The following MCTP2 variants were observed in gnomAD, a reference collection of about 807,000 sequenced individuals.
The protein encoded by MCTP2 is multiple C2 and transmembrane domain-containing protein 2.
MCTP2 carries 132 observed loss-of-function variants against 111.6 expected under a neutral mutation model. The ratio of observed to expected loss-of-function variants is 1.18; its 90% CI spans 1.03 to 1.37. MCTP2 has a LOEUF of 1.37. Ranked by LOEUF, MCTP2 falls within the 40% of genes most tolerant of loss-of-function variation. MCTP2 has a pLI of 0.00. For synonymous variants in MCTP2, 395 were observed against 387.7 expected (o/e 1.02, Z -0.22); for missense variants, 1,183 against 1,067.9 (o/e 1.11, Z -1.50).
intron 20 of MCTP2, among the ~76,000 whole-genome samples, chr15:94,462,889 A>G (rs138358581): frequency 2.0e-5 from 3 of 152,224 alleles, no homozygotes; most frequent in Non-Finnish European, 2.9e-5. Flanking sequence ...TCACCTAAAA[A>G]TATTAACTAT....
chr15:94,265,313 A>G (rs2073453372), intron 1 of MCTP2, among the ~76,000 whole-genome samples: 1 of 152,100 alleles, frequency 6.6e-6, no homozygotes, highest in South Asian at 2.1e-4. Context: ...TTATATGAAA[A>G]TGGTAATGGC....
At position 94,315,532 on chromosome 15, in the gene MCTP2, C is replaced by T. The variant is rs542318098; in HGVS notation, c.532C>T (p.Pro178Ser). The change falls in exon 4 of 23, where the codon CCG (proline) becomes TCG (serine). Residue 178 changes from proline (P) to serine (S), a missense_variant. By Grantham distance (74) the Pro-to-Ser change is moderately conservative. Coordinates refer to ENST00000357742, the MANE Select transcript of MCTP2 (RefSeq NM_001385001.1). ...ACTGCCTTCTCCATCTGTGCAGGTA[C>T]CGGGGGAAGCCAGTGATGGCTTGAG... Reference protein sequence around the residue: ...TSQHFEEQSVPGEASDGLSNL... With the variant: ...TSQHFEEQSVSGEASDGLSNL... The T allele has an allele frequency of 1.2e-6, 2 of 1,612,766 alleles. No individual in the cohort carries two copies. Among genetic ancestry groups the T allele is most frequent in the Non-Finnish European group, 1.7e-6 (2 of 1,178,996 alleles).
intron 1 of MCTP2, among the ~76,000 whole-genome samples, chr15:94,246,222 T>C (rs1341837958): frequency 3.3e-5 from 5 of 152,162 alleles, no homozygotes; most frequent in South Asian, 4.1e-4. Flanking sequence ...TGTCAGAGAC[T>C]GAAGGACAGG....
chr15:94,443,198 A>G (rs2083888684), intron 19 of MCTP2, among the ~76,000 whole-genome samples: 1 of 152,152 alleles, frequency 6.6e-6, no homozygotes, highest in Admixed American at 6.5e-5. Flanking sequence ...AAGCATAACT[A>G]TAGGAGGCCT....
chr15:94,428,535 C>A (rs1175785001), intron 17 of MCTP2, among the ~76,000 whole-genome samples: 1 of 151,900 alleles, frequency 6.6e-6, no homozygotes, highest in African/African-American at 2.4e-5. Context: ...CTATATTAAT[C>A]TTTCAGCATT....
intron 10 of MCTP2, among the ~76,000 whole-genome samples, chr15:94,363,865 G>A (rs753734545): frequency 2.6e-5 from 4 of 151,996 alleles, no homozygotes; most frequent in African/African-American, 4.8e-5. Flanking sequence ...TGATGCCACC[G>A]GAACAGACCT....
chr15:94,476,641 T>C (rs112126759), intron 21 of MCTP2, 55 bp from the exon 22 acceptor site: 47 of 883,504 alleles, frequency 5.3e-5, no homozygotes, highest in Non-Finnish European at 7.1e-5. Context: ...GATAGATAGA[T>C]AGATAGATAG....
At chr15:94,455,799 GATTA>G (rs1462368378) in intron 19 of MCTP2, among the ~76,000 whole-genome samples, 1 of 152,140 alleles carries the variant, frequency 6.6e-6, no homozygotes, top group East Asian at 1.9e-4. Flanking sequence ...CTCTGAAGGT[GATTA>G]ATAACAATTT....
In MCTP2 at chr15:94,338,446, AAC is replaced by A. The variant is rs146624220; in HGVS notation, c.638-839_638-838del. Among the ~76,000 whole-genome samples, 538 of 151,962 alleles carry A rather than the reference AAC, an allele frequency of 3.5e-3. 18 individuals carry two copies. In the East Asian group the frequency reaches 0.092, roughly 26 times the overall value. The stretch of plus-strand genomic sequence containing the variant: ...TGTATCATGCGACGCACATGCATGT[AAC>A]ACACGCACAATACATAATTCATGTA... On this transcript the variant is annotated intron_variant, in intron 4 of 22. Coordinates refer to ENST00000357742, the MANE Select transcript of MCTP2 (RefSeq NM_001385001.1).
At chr15:94,255,145 A>G (rs1459431233) in intron 1 of MCTP2, among the ~76,000 whole-genome samples, 1 of 152,184 alleles carries the variant, frequency 6.6e-6, no homozygotes, top group African/African-American at 2.4e-5. Flanking sequence ...AATAGTCCTT[A>G]ACACTTTGAT....
intron 5 of MCTP2, 66 bp from the exon 6 acceptor site, chr15:94,340,133 A>T: frequency 9.3e-7 from 1 of 1,074,230 alleles, no homozygotes; most frequent in Non-Finnish European, 1.4e-6. Context: ...TGCATTTGTT[A>T]ATAATTTGAA....
intron 1 of MCTP2, chr15:94,273,723 AAGTC>A (rs1203630055): frequency 1.7e-5 from 3 of 174,472 alleles, no homozygotes; most frequent in African/African-American, 7.1e-5. Flanking sequence ...TACAGAAAGA[AAGTC>A]AAGGTGTATC....
At chr15:94,314,545 A>T (rs2076294618) in intron 3 of MCTP2, among the ~76,000 whole-genome samples, 1 of 152,138 alleles carries the variant, frequency 6.6e-6, no homozygotes, top group Non-Finnish European at 1.5e-5. Context: ...ACTGGGATAG[A>T]TTCTTCTAAA....
intron 8 of MCTP2, among the ~76,000 whole-genome samples, chr15:94,348,580 T>C (rs2078128659): frequency 6.8e-6 from 1 of 147,734 alleles, no homozygotes; most frequent in South Asian, 2.2e-4. Context: ...CATATATCTT[T>C]GGGTTGAAAA....
At chr15:94,292,734 T>C (rs2075089577) in intron 1 of MCTP2, 1 of 152,214 alleles carries the variant, frequency 6.6e-6, no homozygotes, top group East Asian at 1.9e-4. Context: ...AATGTTGCAG[T>C]ATCTTTTTAA....
At chr15:94,301,939 C>G (rs2075635010) in intron 2 of MCTP2, among the ~76,000 whole-genome samples, 1 of 151,192 alleles carries the variant, frequency 6.6e-6, no homozygotes, top group Admixed American at 6.6e-5. Flanking sequence ...CTGTTTCTTC[C>G]TAGTTAATAG....
intron 12 of MCTP2, among the ~76,000 whole-genome samples, chr15:94,375,614 T>C (rs565291136): frequency 1.3e-5 from 2 of 152,260 alleles, no homozygotes; most frequent in South Asian, 4.1e-4. Context: ...TCATGAAAAG[T>C]TTCCAAAATA....
intron 8 of MCTP2, 143 bp from the exon 9 acceptor site, chr15:94,355,994 A>T (rs2078600436): frequency 3.0e-6 from 4 of 1,330,558 alleles, no homozygotes; most frequent in South Asian, 2.0e-5. Flanking sequence ...AGGTTTGCAA[A>T]ACCAATGAAA....
In MCTP2 at chr15:94,444,089, T is replaced by A. The variant is rs536838331; in HGVS notation, c.2250+1129T>A. 5.3e-5 allele frequency among the ~76,000 whole-genome samples: 8 copies of A among 151,150 alleles called. No homozygotes were observed. In the East Asian group the frequency reaches 1.6e-3, roughly 30 times the overall value. On this transcript the variant is annotated intron_variant, in intron 19 of 22. Transcript: ENST00000357742. ...CCTCCTGTTCTTCAGACTGGCCAGC[T>A]ATCAGGTGGGGGTTCCCACAACCCC... is the stretch of plus-strand genomic sequence containing the variant.
Sources: allele counts gnomAD v4.1 joint callset (sites outside exome capture counted in the v4.1 genomes callset), GRCh38; gene constraint gnomAD v4.1.1; transcripts MANE v1.5; gene names NCBI Gene and HGNC (gene_info 2026-07-23, HGNC 2026-07-21).